The following BCKDHB variants were observed in gnomAD, a reference collection of about 807,000 sequenced individuals.
The protein encoded by BCKDHB is 2-oxoisovalerate dehydrogenase subunit beta, mitochondrial.
In BCKDHB, 41 loss-of-function variants were observed where a neutral mutation model predicts 48.5. The ratio of observed to expected loss-of-function variants is 0.85; its 90% CI spans 0.66 to 1.10. The LOEUF is 1.10. BCKDHB is among the 50% of genes least tolerant of loss of function. The pLI is 0.00. For missense variants in BCKDHB, 496 were observed against 494.2 expected (o/e 1.00, Z -0.03); for synonymous variants, 201 against 174.8 (o/e 1.15, Z -1.18).
At chr6:80,407,704 T>C in the BCKDHB span, among the ~76,000 whole-genome samples, 1 of 152,200 alleles carries the variant, frequency 6.6e-6, no homozygotes, top group African/African-American at 2.4e-5. Flanking sequence ...ACATTGATTT[T>C]GTATCCTGAG....
chr6:80,126,545 A>G (rs1181509301), intron 1 of BCKDHB, among the ~76,000 whole-genome samples: 1 of 152,148 alleles, frequency 6.6e-6, no homozygotes, highest in Non-Finnish European at 1.5e-5. Flanking sequence ...AGCAACAGGT[A>G]TCGAAATGAT....
At chr6:80,220,304 G>GTTTTTTTTTTTTTTTTTTTTTTTTTTTT (rs56967096) in intron 8 of BCKDHB, among the ~76,000 whole-genome samples, 11 of 60,860 alleles carry the variant, frequency 1.8e-4, no homozygotes, top group Admixed American at 7.6e-4. Flanking sequence ...CATGCTATTT[G>GTTTTTTTTTTTTTTTTTTTTTTTTTTTT]TTTTTTTTTT....
the BCKDHB span, among the ~76,000 whole-genome samples, chr6:80,365,951 G>A: frequency 1.8e-4 from 27 of 152,276 alleles, no homozygotes; most frequent in Non-Finnish European, 3.1e-4. Flanking sequence ...GAAATAGTTG[G>A]AAAGCAAATG....
intron 9 of BCKDHB, among the ~76,000 whole-genome samples, chr6:80,304,902 C>T (rs947836375): frequency 2.0e-5 from 3 of 152,074 alleles, no homozygotes; most frequent in Non-Finnish European, 4.4e-5. Context: ...ACTTCCTTTA[C>T]CTGATAAAGG....
chr6:80,332,105 A>G (rs1769340163), intron 9 of BCKDHB, among the ~76,000 whole-genome samples: 1 of 152,176 alleles, frequency 6.6e-6, no homozygotes, highest in Non-Finnish European at 1.5e-5. Context: ...GACCTGTGCA[A>G]GGGGATTGAT....
the BCKDHB span, among the ~76,000 whole-genome samples, chr6:80,461,483 G>A: frequency 6.6e-6 from 1 of 151,956 alleles, no homozygotes; most frequent in African/African-American, 2.4e-5. Flanking sequence ...CTATGCTTCA[G>A]AGTTTTACAA....
chr6:80,108,485 A>G (rs1769244593), intron 1 of BCKDHB, among the ~76,000 whole-genome samples: 1 of 151,388 alleles, frequency 6.6e-6, no homozygotes, highest in East Asian at 1.9e-4. Flanking sequence ...ATATATCATG[A>G]TATATATAAA....
At chr6:80,392,451 C>A in the BCKDHB span, among the ~76,000 whole-genome samples, 7,937 of 151,330 alleles carry the variant, frequency 0.052, 581 homozygotes, top group African/African-American at 0.16. Flanking sequence ...ATTATTTTTT[C>A]TCTTATTATT....
the BCKDHB span, among the ~76,000 whole-genome samples, chr6:80,373,721 C>A: frequency 6.6e-6 from 1 of 152,068 alleles, no homozygotes; most frequent in Non-Finnish European, 1.5e-5. Flanking sequence ...GATTGTGATA[C>A]TTTCCTGTTG....
rs1012458197 is a variant in BCKDHB, at chr6:80,191,174, C to T, written c.743-9760C>T. Among the ~76,000 whole-genome samples, 11 of 152,176 alleles carry T rather than the reference C, an allele frequency of 7.2e-5. 1 individual carries two copies. The East Asian group carries it at 1.2e-3, about 16-fold the overall frequency. On this transcript the variant is annotated intron_variant, in intron 6 of 9. Transcript: ENST00000320393. ...TAAATTTTTCTGGAGAGGTTGCCCT[C>T]GAGAAGAGGGTGCTCATCAATAAAA...
At chr6:80,235,173 C>G (rs914993526) in intron 8 of BCKDHB, among the ~76,000 whole-genome samples, 1 of 152,168 alleles carries the variant, frequency 6.6e-6, no homozygotes, top group Admixed American at 6.5e-5. Flanking sequence ...GTTCCTAACA[C>G]AAGGAAATGA....
At chr6:80,177,232 A>G (rs1305712212) in intron 6 of BCKDHB, among the ~76,000 whole-genome samples, 30 of 41,200 alleles carry the variant, frequency 7.3e-4, no homozygotes, top group African/African-American at 2.2e-3. Context: ...TCTCAAAAAA[A>G]AAAAAAAAAA....
chr6:80,108,025 G>T (rs1031396369), intron 1 of BCKDHB, among the ~76,000 whole-genome samples: 3 of 152,148 alleles, frequency 2.0e-5, no homozygotes, highest in South Asian at 2.1e-4. Flanking sequence ...GTCAGGTGCT[G>T]TGTGTATGTT....
chr6:80,218,220 G>A (rs1157966932), intron 8 of BCKDHB, among the ~76,000 whole-genome samples: 1 of 152,054 alleles, frequency 6.6e-6, no homozygotes, highest in Non-Finnish European at 1.5e-5. Flanking sequence ...GTGTTTCACT[G>A]CTGAGTTAGG....
chr6:80,426,545 G>A, the BCKDHB span, among the ~76,000 whole-genome samples: 1 of 152,116 alleles, frequency 6.6e-6, no homozygotes, highest in East Asian at 1.9e-4. Context: ...AGTTAAAAAT[G>A]CTTGTAAATT....
the BCKDHB span, among the ~76,000 whole-genome samples, chr6:80,381,627 G>T: frequency 2.0e-5 from 3 of 151,968 alleles, no homozygotes; most frequent in African/African-American, 7.2e-5. Flanking sequence ...TGTTACTTTT[G>T]AGAGATATTT....
intron 8 of BCKDHB, among the ~76,000 whole-genome samples, chr6:80,217,464 T>C (rs1452285349): frequency 6.6e-6 from 1 of 152,236 alleles, no homozygotes; most frequent in Non-Finnish European, 1.5e-5. Context: ...ATTCTATATT[T>C]GGCATTGTGA....
intron 3 of BCKDHB, among the ~76,000 whole-genome samples, chr6:80,136,503 T>A (rs1770892477): frequency 6.6e-6 from 1 of 152,126 alleles, no homozygotes. Context: ...TATAAAACTC[T>A]TAGAAGAAAA....
the BCKDHB span, among the ~76,000 whole-genome samples, chr6:80,371,005 A>G: frequency 2.0e-5 from 3 of 152,176 alleles, no homozygotes; most frequent in Non-Finnish European, 4.4e-5. Context: ...GTAGATACCC[A>G]GGAGTGGGAT....
Sources: allele counts gnomAD v4.1 joint callset (sites outside exome capture counted in the v4.1 genomes callset), GRCh38; gene constraint gnomAD v4.1.1; transcripts MANE v1.5; gene names NCBI Gene and HGNC (gene_info 2026-07-23, HGNC 2026-07-21).